SLC36A3: variants seen among roughly 807,000 people sequenced by gnomAD.
SLC36A3 encodes solute carrier family 36 member 3.
SLC36A3 carries 35 observed loss-of-function variants against 44.3 expected under a neutral mutation model. The observed-to-expected ratio is 0.79, with a 90% confidence interval of 0.60 to 1.05. The LOEUF (loss-of-function observed/expected upper bound fraction) is 1.05. SLC36A3 is among the 50% of genes least tolerant of loss of function. The probability of loss-of-function intolerance (pLI) is 0.00; values close to 1 mark genes in which losing one functional copy is unlikely to be tolerated. For missense variants in SLC36A3, 540 were observed against 578.7 expected (o/e 0.93, Z 0.69); for synonymous variants, 211 against 227.6 (o/e 0.93, Z 0.66).
At chr5:151,280,981 T>G (rs1321424748) in intron 9 of SLC36A3, 33 bp downstream of exon 9, 1 of 1,612,992 alleles carries the variant, frequency 6.2e-7, no homozygotes, top group Non-Finnish European at 8.5e-7. Context: ...CTGTCATAGC[T>G]TTGGGTAAAG....
chr5:151,288,264 TGA>T, intron 5 of SLC36A3, 120 bp downstream of exon 5: 1 of 587,140 alleles, frequency 1.7e-6, no homozygotes, highest in Admixed American at 4.0e-5. Context: ...AAGCGTGGTC[TGA>T]TCTAGGAGTA....
intron 6 of SLC36A3, among the ~76,000 whole-genome samples, chr5:151,286,644 A>G (rs1754545094): frequency 6.6e-6 from 1 of 152,026 alleles, no homozygotes; most frequent in South Asian, 2.1e-4. Flanking sequence ...TTATTGTTGT[A>G]TATTTTTAGT....
chr5:151,280,700 T>G (rs1391857828), intron 9 of SLC36A3, among the ~76,000 whole-genome samples: 2 of 152,242 alleles, frequency 1.3e-5, no homozygotes, highest in Non-Finnish European at 2.9e-5. Context: ...GGTAATACAT[T>G]GTTAGGCTAT....
rs774086652 is a variant in SLC36A3, at chr5:151,284,618, C to T, written c.802G>A (p.Gly268Ser). The T allele has an allele frequency of 1.1e-5, 18 of 1,609,740 alleles. No homozygotes were observed. Among genetic ancestry groups the T allele is most frequent in the East Asian group, 2.2e-5 (1 of 44,852 alleles). Residue 268 changes from glycine (G) to serine (S), a missense_variant, in exon 7 of 10, where the codon GGT becomes AGT. By Grantham distance (56) the Gly-to-Ser change is moderately conservative. Transcript: ENST00000335230. ...GTGAACCCCATCAATCTTACCATAC[C>T]GACGCCTTCAAATGTGAAGATGGCT... Reference protein sequence around the residue: ...GTAIFTFEGVGMVLPLKNQMK... With the variant: ...GTAIFTFEGVSMVLPLKNQMK...
intron 3 of SLC36A3, 141 bp from the exon 4 acceptor site, chr5:151,293,600 C>CCTG: frequency 1.5e-6 from 1 of 662,760 alleles, no homozygotes; most frequent in Non-Finnish European, 2.5e-6. Flanking sequence ...CTACTTTATA[C>CCTG]TTTAACAACT....
chr5:151,295,746 A>T (rs1561638338), intron 3 of SLC36A3, among the ~76,000 whole-genome samples: 1 of 152,218 alleles, frequency 6.6e-6, no homozygotes, highest in Non-Finnish European at 1.5e-5. Context: ...TCTTTTCAGT[A>T]AGTATGCTTT....
intron 8 of SLC36A3, among the ~76,000 whole-genome samples, chr5:151,282,436 G>A (rs1754361793): frequency 1.3e-5 from 2 of 152,228 alleles, no homozygotes; most frequent in Non-Finnish European, 1.5e-5. Flanking sequence ...CCAAAGTGCC[G>A]GGATTATAGG....
chr5:151,293,129 CAT>C (rs1378961308), intron 4 of SLC36A3, among the ~76,000 whole-genome samples: 1 of 152,098 alleles, frequency 6.6e-6, no homozygotes, highest in African/African-American at 2.4e-5. Flanking sequence ...CATTCACACA[CAT>C]ATATTGATGT....
chr5:151,277,166 A>G lies in SLC36A3; in HGVS notation c.*227T>C, dbSNP rs983916216. 1.8e-6 allele frequency: 1 copy of G among 566,964 alleles called. No individual in the cohort carries two copies. The highest frequency in any genetic ancestry group is 1.9e-5 in the African/African-American group (1 of 53,578). The allele number at this position is 566,964 out of a possible 1,614,324, so 35.1% of individuals were successfully genotyped here. A position where few individuals can be genotyped will look rare whatever the true frequency, so the allele number is the denominator to read the frequency against. On this transcript the variant is annotated 3_prime_UTR_variant, in exon 10 of 10. Coordinates refer to ENST00000335230, the MANE Select transcript of SLC36A3 (RefSeq NM_181774.4). ...GCTGATAATATGAATAGTTGAATCT[A>G]ATTTTGGTTCAGAGGTACAAAAGGC...
chr5:151,293,691 C>T (rs962557832), intron 3 of SLC36A3, among the ~76,000 whole-genome samples: 7 of 152,196 alleles, frequency 4.6e-5, no homozygotes, highest in Admixed American at 2.0e-4. Flanking sequence ...TGGATTTATT[C>T]TTCTTGAGTA....
intron 1 of SLC36A3, among the ~76,000 whole-genome samples, chr5:151,300,442 C>T (rs1755131831): frequency 6.6e-6 from 1 of 152,202 alleles, no homozygotes; most frequent in Non-Finnish European, 1.5e-5. Flanking sequence ...CCCATTGTCC[C>T]TTTACTTCCA....
intron 3 of SLC36A3, 76 bp from the exon 4 acceptor site, chr5:151,293,535 T>C: frequency 8.4e-7 from 1 of 1,190,774 alleles, no homozygotes; most frequent in South Asian, 1.4e-5. Context: ...AAGTGAGTGA[T>C]TTTTATGTAT....
chr5:151,282,458 A>G (rs1414999970), intron 8 of SLC36A3, among the ~76,000 whole-genome samples: 2 of 152,022 alleles, frequency 1.3e-5, no homozygotes, highest in African/African-American at 4.8e-5. Context: ...ATGAGCCACC[A>G]CGCCTGGCTG....
chr5:151,286,156 G>A (rs1230888359), intron 6 of SLC36A3, among the ~76,000 whole-genome samples: 1 of 152,198 alleles, frequency 6.6e-6, no homozygotes, highest in Non-Finnish European at 1.5e-5. Context: ...CAATTTCCTT[G>A]TCTGTAAATT....
chr5:151,294,520 A>G (rs1474859517), intron 3 of SLC36A3, among the ~76,000 whole-genome samples: 4 of 151,766 alleles, frequency 2.6e-5, no homozygotes, highest in African/African-American at 7.3e-5. Context: ...AAGCACATCT[A>G]AAAAATGAAG....
chr5:151,296,057 T>A lies in SLC36A3; in HGVS notation c.308+123A>T, dbSNP rs561456767. 5.6e-4 allele frequency: 486 copies of A among 867,498 alleles called. 2 individuals carry two copies. In the African/African-American group the frequency reaches 7.5e-3, roughly 13 times the overall value. The allele number at this position is 867,498 out of a possible 1,614,324, so 53.7% of individuals were successfully genotyped here. On this transcript the variant is annotated intron_variant, in intron 3 of 9. Transcript: ENST00000335230. ...TCATGCTCTCCTTGCCTTCATAGAA[T>A]CCAGATTGGTAGGAAGGTGGCCTGG...
rs370559654 is a variant in SLC36A3 at position 151,281,094 on chromosome 5, G to A, written c.1064C>T (p.Pro355Leu). ...QFHVPAEIII[P>L]FAISQVSESW... The stretch of plus-strand genomic sequence containing the variant: ...CTCTGACACTTGGGAGATGGCAAAC[G>A]GGATGATGATCTCAGCTGGGACGTG... The change falls in exon 9 of 10, where the codon CCG becomes CTG. Residue 355 changes from proline to leucine, a missense_variant. Coordinates refer to ENST00000335230, the MANE Select transcript of SLC36A3 (RefSeq NM_181774.4). The A allele has an allele frequency of 1.4e-5, 23 of 1,614,040 alleles. No individual in the cohort carries two copies. Among genetic ancestry groups the A allele is most frequent in the South Asian group, 4.4e-5 (4 of 91,088 alleles).
At chr5:151,281,588 C>T (rs943209820) in intron 8 of SLC36A3, among the ~76,000 whole-genome samples, 3 of 152,088 alleles carry the variant, frequency 2.0e-5, no homozygotes, top group East Asian at 1.9e-4. Context: ...GAGGCCGAGG[C>T]GAGTGGATCA....
intron 3 of SLC36A3, among the ~76,000 whole-genome samples, chr5:151,295,973 T>A (rs1311837500): frequency 6.6e-6 from 1 of 152,248 alleles, no homozygotes; most frequent in Non-Finnish European, 1.5e-5. Context: ...TTGACAGTCA[T>A]CCAGCTTGTT....
Sources: allele counts gnomAD v4.1 joint callset (sites outside exome capture counted in the v4.1 genomes callset), GRCh38; gene constraint gnomAD v4.1.1; transcripts MANE v1.5; gene names NCBI Gene and HGNC (gene_info 2026-07-23, HGNC 2026-07-21).